GLI2: variants seen among roughly 807,000 people sequenced by gnomAD.
GLI2 encodes transcription activator GLI2.
GLI2 carries 22 observed loss-of-function variants against 78.9 expected under a neutral mutation model. The ratio of observed to expected loss-of-function variants is 0.28; its 90% confidence interval spans 0.20 to 0.40. The LOEUF is 0.40. GLI2 is among the 10% of genes least tolerant of loss of function. The probability of loss-of-function intolerance (pLI) is 1.00; values close to 1 mark genes in which losing one functional copy is unlikely to be tolerated. For missense variants in GLI2, 2,097 were observed against 2,213.2 expected (o/e 0.95, Z 1.05); for synonymous variants, 974 against 963.7 (o/e 1.01, Z -0.20).
At chr2:120,867,851 G>A (rs1458325240) in intron 2 of GLI2, among the ~76,000 whole-genome samples, 1 of 152,216 alleles carries the variant, frequency 6.6e-6, no homozygotes, top group East Asian at 1.9e-4. Flanking sequence ...AAGGAACTGG[G>A]TGGACACAGC....
At chr2:120,917,677 G>T (rs962418202) in intron 2 of GLI2, among the ~76,000 whole-genome samples, 1 of 151,996 alleles carries the variant, frequency 6.6e-6, no homozygotes, top group Non-Finnish European at 1.5e-5. Flanking sequence ...CTGGGACCTG[G>T]TCACATCCCT....
intron 2 of GLI2, among the ~76,000 whole-genome samples, chr2:120,850,077 A>C (rs1285534486): frequency 6.6e-6 from 1 of 152,242 alleles, no homozygotes; most frequent in East Asian, 1.9e-4. Context: ...GGAGTATTTG[A>C]CTAATGGAAG....
chr2:120,790,940 G>A (rs1336122215), intron 1 of GLI2, among the ~76,000 whole-genome samples: 1 of 152,056 alleles, frequency 6.6e-6, no homozygotes, highest in South Asian at 2.1e-4. Context: ...CCCATGTGGG[G>A]CAGCTGCTAT....
chr2:120,863,420 C>T (rs377344675), intron 2 of GLI2, among the ~76,000 whole-genome samples: 48 of 152,352 alleles, frequency 3.2e-4, no homozygotes, highest in African/African-American at 1.1e-3. Flanking sequence ...GAATCCACCA[C>T]GGGCCGTCTC....
intron 2 of GLI2, among the ~76,000 whole-genome samples, chr2:120,847,432 A>G (rs1436976456): frequency 6.6e-6 from 1 of 152,138 alleles, no homozygotes; most frequent in African/African-American, 2.4e-5. Flanking sequence ...GGGACCATGC[A>G]GTTCTGGGAG....
At chr2:120,798,425 C>G (rs957570070) in intron 2 of GLI2, among the ~76,000 whole-genome samples, 1 of 152,176 alleles carries the variant, frequency 6.6e-6, no homozygotes, top group Non-Finnish European at 1.5e-5. Flanking sequence ...ACGCTGGGGC[C>G]GGAGCCCAGG....
chr2:120,963,453 G>A (rs948598926), intron 5 of GLI2, among the ~76,000 whole-genome samples: 1 of 149,470 alleles, frequency 6.7e-6, no homozygotes, highest in African/African-American at 2.6e-5. Context: ...GTGTGTGTGT[G>A]TGCGCGCACG....
rs560162084 is a variant in GLI2, at chr2:120,787,139, A to G, written c.-30-10152A>G. Among the ~76,000 whole-genome samples the G allele has an allele frequency of 6.3e-4, 96 of 152,288 alleles. 1 individual carries two copies. Among genetic ancestry groups the G allele is most frequent in the African/African-American group, 2.2e-3 (91 of 41,578 alleles). ...GCCTGGCCTGGCAGGGGGTGGTCCC[A>G]GGGAGGCTTCTCTGAGGGGGTGTCA... On this transcript the variant is annotated intron_variant, in intron 1 of 13. Transcript: ENST00000361492.
intron 1 of GLI2, among the ~76,000 whole-genome samples, chr2:120,771,116 C>T (rs943330384): frequency 7.9e-5 from 12 of 152,188 alleles, no homozygotes; most frequent in African/African-American, 1.4e-4. Context: ...CCCTGGGGTA[C>T]GTTGGTGGGC....
intron 1 of GLI2, among the ~76,000 whole-genome samples, chr2:120,762,168 A>G (rs1421732437): frequency 2.0e-5 from 3 of 151,936 alleles, no homozygotes; most frequent in African/African-American, 7.3e-5. Context: ...GCCTCTAATG[A>G]TGGGTCTCCG....
chr2:120,806,821 C>G (rs1399847157), intron 2 of GLI2, among the ~76,000 whole-genome samples: 3 of 152,184 alleles, frequency 2.0e-5, no homozygotes, highest in Non-Finnish European at 4.4e-5. Flanking sequence ...CTATGAAGCT[C>G]TGTGTGGACA....
intron 2 of GLI2, among the ~76,000 whole-genome samples, chr2:120,911,170 C>G (rs986935408): frequency 9.9e-5 from 15 of 152,226 alleles, no homozygotes; most frequent in African/African-American, 2.9e-4. Context: ...CTACCCTACC[C>G]CACCCATGTC....
In GLI2 at chr2:120,737,468, T is replaced by A. The variant is rs1682403784; in HGVS notation, c.-31+1183T>A. Reference sequence around the variant, plus strand: ...CTCTTTTGTGTAATTGTTCTGTGGCTCCTAGAGTTGATCCCAGCTGGAAAA... The same window carrying A: ...CTCTTTTGTGTAATTGTTCTGTGGCACCTAGAGTTGATCCCAGCTGGAAAA... On this transcript the variant is annotated intron_variant, in intron 1 of 13. Transcript: ENST00000361492. The surrounding 1 kb of genome is among the most constrained non-coding windows in gnomAD (Gnocchi z 4.3). Among the ~76,000 whole-genome samples, 1 of 152,150 alleles carries A rather than the reference T, an allele frequency of 6.6e-6. No individual in the cohort carries two copies. The highest frequency in any genetic ancestry group is 1.5e-5 in the Non-Finnish European group (1 of 68,028).
Position 120,988,560 on chromosome 2 carries a change from G to T in GLI2, c.2595G>T (p.Thr865=). Residue 865 remains threonine (T), a synonymous_variant, in exon 14 of 14, where the codon ACG becomes ACT. Coordinates refer to ENST00000361492, the MANE Select transcript of GLI2 (RefSeq NM_001374353.1). ...CSGGSGLLNL[T]PAQQYSLRAK... ...GCGGCTCCGGGCTGCTCAACCTCAC[G>T]CCGGCGCAGCAGTACAGCCTGCGGG... The T allele has an allele frequency of 4.0e-6, 6 of 1,499,646 alleles. No homozygotes were observed. The South Asian group carries it at 7.4e-5, about 19-fold the overall frequency. The allele number at this position is 1,499,646 out of a possible 1,614,324, so 92.9% of individuals were successfully genotyped here. A position where few individuals can be genotyped will look rare whatever the true frequency, so the allele number is the denominator to read the frequency against.
At chr2:120,902,430 A>G (rs966087482) in intron 2 of GLI2, among the ~76,000 whole-genome samples, 1 of 152,056 alleles carries the variant, frequency 6.6e-6, no homozygotes, top group African/African-American at 2.4e-5. Context: ...GTGGGAGGGG[A>G]AACAGTCCCT....
rs1347630369 is a variant in GLI2, at chr2:120,800,360, C to T, written c.148+2892C>T. 6.6e-6 allele frequency among the ~76,000 whole-genome samples: 1 copy of T among 152,108 alleles called. No homozygotes were observed. The highest frequency in any genetic ancestry group is 1.9e-4 in the East Asian group (1 of 5,194). The stretch of plus-strand genomic sequence containing the variant: ...CTGAGTCGACTCCCCTGTTGCTGCG[C>T]AGGTGACCACTTAGAAGCCTGGCTC... On this transcript the variant is annotated intron_variant, in intron 2 of 13. Transcript: ENST00000361492. This position sits in a 1 kb window ranked among gnomAD's most constrained non-coding sequence, Gnocchi z 4.1.
At chr2:120,977,057 C>G (rs967179947) in intron 9 of GLI2, among the ~76,000 whole-genome samples, 1 of 152,198 alleles carries the variant, frequency 6.6e-6, no homozygotes, top group African/African-American at 2.4e-5. Flanking sequence ...ATTTCACATG[C>G]TCCAGCAGGG....
chr2:120,914,696 G>A (rs1259434247), intron 2 of GLI2, among the ~76,000 whole-genome samples: 1 of 152,182 alleles, frequency 6.6e-6, no homozygotes, highest in Non-Finnish European at 1.5e-5. Context: ...CAGCAGAGGG[G>A]TCTGTAGGGA....
chr2:120,951,814 T>A (rs1681008234), intron 4 of GLI2: 1 of 186,568 alleles, frequency 5.4e-6, no homozygotes, highest in East Asian at 1.3e-4. Flanking sequence ...GAAGGCGGAG[T>A]GGGCTGGCTG....
Sources: allele counts gnomAD v4.1 joint callset (sites outside exome capture counted in the v4.1 genomes callset), GRCh38; gene constraint gnomAD v4.1.1; non-coding constraint Gnocchi (gnomAD v3.1); transcripts MANE v1.5; gene names NCBI Gene and HGNC (gene_info 2026-07-23, HGNC 2026-07-21).